Variants in KLF12 observed in about 807,000 individuals in gnomAD.
The protein encoded by KLF12 is Krueppel-like factor 12.
A neutral mutation model predicts 37.8 loss-of-function variants in KLF12; 9 were observed. The observed-to-expected ratio is 0.24, with a 90% CI of 0.14 to 0.42. KLF12 has a LOEUF of 0.42. Ranked by LOEUF, KLF12 falls within the 10% of genes least tolerant of loss-of-function variation. KLF12 has a pLI of 1.00. For missense variants in KLF12, 411 were observed against 516.0 expected, an observed-to-expected ratio of 0.80 and a Z score of 1.97; for synonymous variants, 208 against 202.1, an observed-to-expected ratio of 1.03 and a Z score of -0.25.
At chr13:74,208,287 C>T in the KLF12 span, among the ~76,000 whole-genome samples, 4 of 152,144 alleles carry the variant, frequency 2.6e-5, no homozygotes, top group African/African-American at 9.7e-5. Flanking sequence ...CAATAAGGAA[C>T]TGACTTTCAA....
chr13:74,274,418 T>A, the KLF12 span, among the ~76,000 whole-genome samples: 1 of 152,204 alleles, frequency 6.6e-6, no homozygotes, highest in African/African-American at 2.4e-5. Flanking sequence ...TTATATTTTG[T>A]AGTTAAATCT....
At chr13:73,769,205 T>G (rs753655110) in intron 5 of KLF12, among the ~76,000 whole-genome samples, 1 of 152,214 alleles carries the variant, frequency 6.6e-6, no homozygotes, top group Non-Finnish European at 1.5e-5. Context: ...GGGCAGAAAT[T>G]AATTCTAGCT....
At chr13:74,034,008 T>C (rs1426818334) in intron 1 of KLF12, among the ~76,000 whole-genome samples, 2 of 152,022 alleles carry the variant, frequency 1.3e-5, no homozygotes, top group Non-Finnish European at 2.9e-5. Flanking sequence ...ACCAGTGACA[T>C]TAAACATCAA....
intron 3 of KLF12, among the ~76,000 whole-genome samples, chr13:73,860,195 T>G (rs1415266356): frequency 6.6e-6 from 1 of 152,194 alleles, no homozygotes; most frequent in African/African-American, 2.4e-5. Context: ...GTCTGTTATC[T>G]CCTCCAGCTG....
At chr13:74,121,823 A>C (rs1242133931) in intron 1 of KLF12, among the ~76,000 whole-genome samples, 1 of 152,044 alleles carries the variant, frequency 6.6e-6, no homozygotes, top group Non-Finnish European at 1.5e-5. Flanking sequence ...GTACTACTGG[A>C]TATATGAAAA....
chr13:74,173,472 T>C, the KLF12 span, among the ~76,000 whole-genome samples: 1 of 152,232 alleles, frequency 6.6e-6, no homozygotes, highest in Admixed American at 6.5e-5. Context: ...CATGCATCAC[T>C]TGTAGGCTGG....
intron 3 of KLF12, among the ~76,000 whole-genome samples, chr13:73,928,135 C>T (rs984751951): frequency 6.6e-6 from 1 of 152,118 alleles, no homozygotes; most frequent in South Asian, 2.1e-4. Context: ...GGATTACAGG[C>T]GTGAGCCACC....
At chr13:73,730,007 T>C (rs1876945747) in intron 6 of KLF12, among the ~76,000 whole-genome samples, 1 of 152,162 alleles carries the variant, frequency 6.6e-6, no homozygotes, top group African/African-American at 2.4e-5. Context: ...TCTGGGACTT[T>C]AGTTCTCAGA....
rs150943771 is a variant in KLF12 at position 73,810,237 on chromosome 13, G to A, written c.806+2915C>T. Reference sequence around the variant, plus strand: ...TCCAGCATGGGTGACAGAGCGAGACGCCATCTCAAAAAAAAAAGCAAATCA... The same window carrying A: ...TCCAGCATGGGTGACAGAGCGAGACACCATCTCAAAAAAAAAAGCAAATCA... On this transcript the variant is annotated intron_variant, in intron 5 of 7. Coordinates refer to ENST00000377669, the MANE Select transcript of KLF12 (RefSeq NM_007249.5). Among the ~76,000 whole-genome samples the A allele has an allele frequency of 2.8e-3, 431 of 151,424 alleles. 2 individuals are homozygous for A. The highest frequency in any genetic ancestry group is 1.0e-2 in the African/African-American group (412 of 41,280).
intron 1 of KLF12, among the ~76,000 whole-genome samples, chr13:74,113,079 CTT>C (rs1350915283): frequency 6.6e-6 from 1 of 152,204 alleles, no homozygotes; most frequent in African/African-American, 2.4e-5. Flanking sequence ...TCCTAACTCT[CTT>C]TAATTTTGCA....
intron 3 of KLF12, among the ~76,000 whole-genome samples, chr13:73,859,095 G>A (rs1041826504): frequency 5.9e-5 from 9 of 152,106 alleles, no homozygotes; most frequent in Non-Finnish European, 1.0e-4. Flanking sequence ...AGTATGGGAG[G>A]AGCCTCTCTG....
chr13:74,064,802 T>C (rs1210537005), intron 1 of KLF12, among the ~76,000 whole-genome samples: 1 of 152,230 alleles, frequency 6.6e-6, no homozygotes, highest in Non-Finnish European at 1.5e-5. Flanking sequence ...ACTGTACTAA[T>C]GATGTCTAGA....
At chr13:74,192,600 G>A in the KLF12 span, among the ~76,000 whole-genome samples, 1 of 152,132 alleles carries the variant, frequency 6.6e-6, no homozygotes, top group Non-Finnish European at 1.5e-5. Context: ...TGAGAAATCA[G>A]TTTCGTTAGT....
chr13:74,174,841 G>A, the KLF12 span, among the ~76,000 whole-genome samples: 1 of 152,150 alleles, frequency 6.6e-6, no homozygotes, highest in South Asian at 2.1e-4. Flanking sequence ...GCTAGAATAA[G>A]GAACCAAATC....
rs1396851629 is a variant in KLF12 at position 74,092,917 on chromosome 13, C to T, written c.-32+40822G>A. 2.0e-5 allele frequency among the ~76,000 whole-genome samples: 3 copies of T among 152,320 alleles called. No individual in the cohort carries two copies. In the East Asian group the frequency reaches 5.8e-4, roughly 29 times the overall value. On this transcript the variant is annotated intron_variant, in intron 1 of 7. Transcript: ENST00000377669. ...AGAAAGAAGCTTCCTCGCTCACTCT[C>T]CTGAAAGAGGTTTCAGAAGCCCACT...
chr13:74,114,314 A>G (rs1341567573), intron 1 of KLF12, among the ~76,000 whole-genome samples: 1 of 152,220 alleles, frequency 6.6e-6, no homozygotes, highest in Non-Finnish European at 1.5e-5. Context: ...TTAGCAATGA[A>G]GTATTATTAA....
intron 6 of KLF12, among the ~76,000 whole-genome samples, chr13:73,735,905 G>A (rs188033885): frequency 9.9e-4 from 151 of 151,840 alleles, no homozygotes; most frequent in African/African-American, 2.0e-3. Flanking sequence ...TGAATGCTGC[G>A]ACCAAGTACT....
chr13:73,905,994 A>G (rs1888269560), intron 3 of KLF12, among the ~76,000 whole-genome samples: 2 of 152,116 alleles, frequency 1.3e-5, no homozygotes, highest in African/African-American at 2.4e-5. Flanking sequence ...CAGATCATTC[A>G]TTTGATTACA....
chr13:73,987,333 T>C (rs1230528360), intron 2 of KLF12, among the ~76,000 whole-genome samples: 1 of 152,126 alleles, frequency 6.6e-6, no homozygotes, highest in Non-Finnish European at 1.5e-5. Context: ...ACTATATAGA[T>C]ATTATACTTC....
Sources: allele counts gnomAD v4.1 joint callset (sites outside exome capture counted in the v4.1 genomes callset), GRCh38; gene constraint gnomAD v4.1.1; transcripts MANE v1.5; gene names NCBI Gene and HGNC (gene_info 2026-07-23, HGNC 2026-07-21).